MMP15: variants seen among roughly 807,000 people sequenced by gnomAD.
MMP15 encodes matrix metallopeptidase 15, also known as matrix metalloproteinase-15.
In MMP15, 36 loss-of-function variants were observed where a neutral mutation model predicts 65.0. The observed-to-expected ratio is 0.55, with a 90% CI of 0.42 to 0.73. The LOEUF is 0.73. Ranked by LOEUF, MMP15 falls within the 30% of genes least tolerant of loss-of-function variation. The pLI is 0.00. For missense variants in MMP15, 870 were observed against 987.8 expected, an observed-to-expected ratio of 0.88 and a Z score of 1.60; for synonymous variants, 428 against 410.2, an observed-to-expected ratio of 1.04 and a Z score of -0.52.
chr16:58,033,276 C>T (rs1298028655), intron 1 of MMP15, among the ~76,000 whole-genome samples: 1 of 152,178 alleles, frequency 6.6e-6, no homozygotes, highest in Non-Finnish European at 1.5e-5. Flanking sequence ...AGCCTGAGGC[C>T]AAGAGGAGCT....
In MMP15 at chr16:58,043,426, A is replaced by G. The variant is rs1000777524; in HGVS notation, c.1454+66A>G. On this transcript the variant is annotated intron_variant, in intron 8 of 9. Coordinates refer to ENST00000219271, the MANE Select transcript of MMP15 (RefSeq NM_002428.4). ...CTAGGCCCCCCTCAACCTCAGGCCT[A>G]CCCAGAAAGAATCCACTGCCTGTGG... 3.8e-6 allele frequency: 6 copies of G among 1,593,632 alleles called. No individual in the cohort carries two copies. In the African/African-American group the frequency reaches 8.1e-5, roughly 21 times the overall value.
chr16:58,040,427 G>C, intron 4 of MMP15, 110 bp from the exon 5 acceptor site: 1 of 1,368,306 alleles, frequency 7.3e-7, no homozygotes, highest in East Asian at 2.4e-5. Context: ...CCTCTTCCAA[G>C]AGGGAAGCAA....
At position 58,033,678 on chromosome 16, in the gene MMP15, G is replaced by A. The variant is rs775483606; in HGVS notation, c.163-3794G>A. 5.3e-5 allele frequency among the ~76,000 whole-genome samples: 8 copies of A among 152,238 alleles called. No individual in the cohort carries two copies. In the South Asian group the frequency reaches 8.3e-4, roughly 16 times the overall value. On this transcript the variant is annotated intron_variant, in intron 1 of 9. Coordinates refer to ENST00000219271, the MANE Select transcript of MMP15 (RefSeq NM_002428.4). ...AGCAATTTGGGAGGCCAAGGCAGGC[G>A]GATCACCTGAGGTCAGTAGTTCGAG...
chr16:58,040,599 A>G lies in MMP15; in HGVS notation c.811A>G (p.Ser271Gly). Reference protein sequence around the residue: ...LGHALGLEHSSNPNAIMAPFY... With the variant: ...LGHALGLEHSGNPNAIMAPFY... The stretch of plus-strand genomic sequence containing the variant: ...CCACGCGCTGGGGCTGGAGCACTCC[A>G]GCAACCCCAATGCCATCATGGCGCC... The change falls in exon 5 of 10, where the codon AGC (serine) becomes GGC (glycine). Residue 271 changes from serine (S) to glycine (G), a missense_variant. Physicochemically the swap from Ser to Gly is moderately conservative, Grantham distance 56. Transcript: ENST00000219271. The G allele has an allele frequency of 6.2e-7, 1 of 1,614,142 alleles. No homozygotes were observed. Among genetic ancestry groups the G allele is most frequent in the Non-Finnish European group, 8.5e-7 (1 of 1,180,032 alleles).
At chr16:58,042,019 G>T (rs1959468369) in intron 6 of MMP15, 149 bp downstream of exon 6, 2 of 1,163,666 alleles carry the variant, frequency 1.7e-6, no homozygotes, top group South Asian at 3.2e-5. Context: ...TGAGGGACTT[G>T]CCCAGGGTCA....
In MMP15 at chr16:58,045,590, G is replaced by A. The variant is rs1468605110; in HGVS notation, c.*144G>A. 2 of 674,100 alleles carry A rather than the reference G, an allele frequency of 3.0e-6. No individual in the cohort carries two copies. Among genetic ancestry groups the A allele is most frequent in the South Asian group, 2.0e-5 (1 of 49,604 alleles). The allele number at this position is 674,100 out of a possible 1,614,324, so 41.8% of individuals were successfully genotyped here. Reference sequence around the variant, plus strand: ...CCGCCCTCATTATTTATGTCCAGGTGTTTGTTTTGTTTTGTTTTTGGCACC... The same window carrying A: ...CCGCCCTCATTATTTATGTCCAGGTATTTGTTTTGTTTTGTTTTTGGCACC... On this transcript the variant is annotated 3_prime_UTR_variant, in exon 10 of 10. Transcript: ENST00000219271.
chr16:58,044,081 G>T (rs924526775), intron 9 of MMP15, among the ~76,000 whole-genome samples: 2 of 152,164 alleles, frequency 1.3e-5, no homozygotes, highest in Admixed American at 1.3e-4. Context: ...GGAAAGCCCT[G>T]TCTCTGTCAT....
chr16:58,039,769 A>G (rs1959409065), intron 3 of MMP15, 106 bp from the exon 4 acceptor site: 1 of 1,132,774 alleles, frequency 8.8e-7, no homozygotes, highest in Non-Finnish European at 1.2e-6. Context: ...CCAGTTGATA[A>G]TGACGGGCTT....
chr16:58,045,467 C>G lies in MMP15; in HGVS notation c.*21C>G, dbSNP rs767772197. 57 of 1,491,210 alleles carry G rather than the reference C, an allele frequency of 3.8e-5. No individual in the cohort carries two copies. The highest frequency in any genetic ancestry group is 4.7e-5 in the Non-Finnish European group (53 of 1,119,002). 92.4% of individuals were successfully genotyped at this position (1,491,210 alleles called of 1,614,324 possible). On this transcript the variant is annotated 3_prime_UTR_variant, in exon 10 of 10. Transcript: ENST00000219271. ...TCTGACCACCCAGCGCTCCTGCTAA[C>G]GGTGCTCAGGGGGCGCCTGTGGTTC...
At chr16:58,031,499 C>T (rs1022090961) in intron 1 of MMP15, among the ~76,000 whole-genome samples, 2 of 152,106 alleles carry the variant, frequency 1.3e-5, no homozygotes, top group Admixed American at 6.6e-5. Flanking sequence ...GACCCAAGGC[C>T]GGGCCCCCAG....
chr16:58,045,757 C>G lies in MMP15; in HGVS notation c.*311C>G. ...CCAGGGGAGCAGAGGGGCAGAGGCCCACATTGGAAGAGCAGCACCTCCTCA... is the reference window on the plus strand; with the variant it reads ...CCAGGGGAGCAGAGGGGCAGAGGCCGACATTGGAAGAGCAGCACCTCCTCA... On this transcript the variant is annotated 3_prime_UTR_variant, in exon 10 of 10. Transcript: ENST00000219271. The G allele has an allele frequency of 2.6e-6, 1 of 379,684 alleles. No individual in the cohort carries two copies. Among genetic ancestry groups the G allele is most frequent in the Non-Finnish European group, 4.7e-6 (1 of 212,114 alleles). The allele number at this position is 379,684 out of a possible 1,614,324, so 23.5% of individuals were successfully genotyped here. A position where few individuals can be genotyped will look rare whatever the true frequency, so the allele number is the denominator to read the frequency against.
intron 2 of MMP15, among the ~76,000 whole-genome samples, chr16:58,037,883 G>C (rs957450877): frequency 1.3e-5 from 2 of 152,228 alleles, no homozygotes; most frequent in Non-Finnish European, 2.9e-5. Flanking sequence ...AGGGGAGTGT[G>C]GAGGTACAGT....
At chr16:58,032,812 G>A (rs1597062606) in intron 1 of MMP15, among the ~76,000 whole-genome samples, 1 of 152,232 alleles carries the variant, frequency 6.6e-6, no homozygotes, top group African/African-American at 2.4e-5. Flanking sequence ...TGGATCCATC[G>A]CTGGCAGCCT....
At chr16:58,035,416 C>T (rs879663394) in intron 1 of MMP15, among the ~76,000 whole-genome samples, 1 of 152,222 alleles carries the variant, frequency 6.6e-6, no homozygotes, top group Non-Finnish European at 1.5e-5. Context: ...AGTCCAGACC[C>T]ATCAGCCTTC....
chr16:58,027,903 G>A (rs1461809324), intron 1 of MMP15, among the ~76,000 whole-genome samples: 1 of 152,072 alleles, frequency 6.6e-6, no homozygotes, highest in Non-Finnish European at 1.5e-5. Context: ...GCTTTAGGGG[G>A]CTCCTGTTGG....
Position 58,045,311 on chromosome 16 carries a change from C to A in MMP15, c.1875C>A (p.Asn625Lys), listed in dbSNP as rs371784322. ...TGGAGGAGGTGGCACGGACGGTGAA[C>A]GTGGTGATGGTGCTGGTGCCACTGC... Reference protein sequence around the residue: ...VQMEEVARTVNVVMVLVPLLL... With the variant: ...VQMEEVARTVKVVMVLVPLLL... The change falls in exon 10 of 10, where the codon AAC becomes AAA. Residue 625 changes from asparagine to lysine, a missense_variant. Physicochemically the swap from Asn to Lys is moderately conservative, Grantham distance 94. Coordinates refer to ENST00000219271, the MANE Select transcript of MMP15 (RefSeq NM_002428.4). 2 of 1,609,994 alleles carry A rather than the reference C, an allele frequency of 1.2e-6. No homozygotes were observed. The highest frequency in any genetic ancestry group is 1.7e-6 in the Non-Finnish European group (2 of 1,179,236).
intron 1 of MMP15, among the ~76,000 whole-genome samples, chr16:58,027,527 C>T (rs1489304252): frequency 6.6e-6 from 1 of 152,226 alleles, no homozygotes; most frequent in African/African-American, 2.4e-5. Flanking sequence ...GAACGGTGCT[C>T]AGGCCTTGGT....
At chr16:58,034,699 C>T (rs994563136) in intron 1 of MMP15, among the ~76,000 whole-genome samples, 1 of 152,218 alleles carries the variant, frequency 6.6e-6, no homozygotes, top group Non-Finnish European at 1.5e-5. Flanking sequence ...GGCTCTTCAC[C>T]CCAGGTGGCT....
At chr16:58,029,673 T>A (rs1235639182) in intron 1 of MMP15, among the ~76,000 whole-genome samples, 1 of 152,238 alleles carries the variant, frequency 6.6e-6, no homozygotes, top group African/African-American at 2.4e-5. Context: ...AAGCTCCTTG[T>A]CTGAGCAGTG....
Sources: allele counts gnomAD v4.1 joint callset (sites outside exome capture counted in the v4.1 genomes callset), GRCh38; gene constraint gnomAD v4.1.1; transcripts MANE v1.5; gene names NCBI Gene and HGNC (gene_info 2026-07-23, HGNC 2026-07-21).